The following VCAN variants were observed in gnomAD, a reference collection of about 807,000 sequenced individuals.
VCAN encodes the protein versican core protein.
A neutral mutation model predicts 245.5 loss-of-function variants in VCAN; 44 were observed. That is an observed-to-expected ratio of 0.18 (90% CI 0.14 to 0.23). The LOEUF (loss-of-function observed/expected upper bound fraction) is 0.23, where lower values mean the gene tolerates loss of function less well. Among genes scored for constraint, VCAN ranks in the 10% least tolerant of loss-of-function variants. The pLI, the probability that VCAN is intolerant of heterozygous loss-of-function variation, is 1.00. For missense variants in VCAN, 3,793 were observed against 4,057.9 expected (o/e 0.93, Z 1.77); for synonymous variants, 1,413 against 1,437.0 (o/e 0.98, Z 0.38).
rs770256912 is a variant in VCAN at position 83,581,927 on chromosome 5, C to T, written c.*1493C>T. On this transcript the variant is annotated 3_prime_UTR_variant, in exon 15 of 15. Coordinates refer to ENST00000265077, the MANE Select transcript of VCAN (RefSeq NM_004385.5). Reference sequence around the variant, plus strand: ...AAGAGTAGACAAAAAATAAAATGCACATAGAAAAAGAGAAAAAGGGCACAA... The same window carrying T: ...AAGAGTAGACAAAAAATAAAATGCATATAGAAAAAGAGAAAAAGGGCACAA... The T allele has an allele frequency of 2.0e-5, 3 of 151,858 alleles. No individual in the cohort carries two copies. The highest frequency in any genetic ancestry group is 4.4e-5 in the Non-Finnish European group (3 of 67,976). 9.4% of individuals were successfully genotyped at this position (151,858 alleles called of 1,614,324 possible).
intron 7 of VCAN, among the ~76,000 whole-genome samples, chr5:83,523,406 AT>A (rs5869183): frequency 0.63 from 89,388 of 142,240 alleles, 29,581 homozygotes; most frequent in East Asian, 0.88. Flanking sequence ...AGGATAGAAG[AT>A]TTTTTTTTTT....
chr5:83,494,073 G>A, intron 5 of VCAN, 142 bp downstream of exon 5: 1 of 1,414,018 alleles, frequency 7.1e-7, no homozygotes, highest in Non-Finnish European at 9.8e-7. Flanking sequence ...ATGATTTTGT[G>A]GTAAAATAAG....
intron 7 of VCAN, among the ~76,000 whole-genome samples, chr5:83,526,026 G>A (rs1330835229): frequency 6.6e-6 from 1 of 151,520 alleles, no homozygotes; most frequent in East Asian, 2.0e-4. Flanking sequence ...TGCAATCTCT[G>A]CCTCCTGGGT....
intron 1 of VCAN, among the ~76,000 whole-genome samples, chr5:83,482,431 G>T (rs977483473): frequency 6.6e-6 from 1 of 152,136 alleles, no homozygotes; most frequent in Non-Finnish European, 1.5e-5. Flanking sequence ...ATTGACTTAG[G>T]ATATCAAGAT....
At chr5:83,564,518 T>C (rs904393788) in intron 12 of VCAN, among the ~76,000 whole-genome samples, 1 of 152,212 alleles carries the variant, frequency 6.6e-6, no homozygotes, top group African/African-American at 2.4e-5. Context: ...AGCTAACACA[T>C]GTAGTCAAAT....
rs1331911897 is a variant in VCAN at position 83,538,022 on chromosome 5, T to C, written c.5019T>C (p.Thr1673=). ...CTGATACACTCATTACTTTAGACAC[T>C]AGCAGGATAATCACAGAAAGCTTTT... ...NTTDTLITLD[T]SRIITESFFE... The change falls in exon 8 of 15, where the codon ACT becomes ACC. Residue 1673 remains threonine, a synonymous_variant. Transcript: ENST00000265077. The C allele has an allele frequency of 6.2e-7, 1 of 1,613,936 alleles. No homozygotes were observed. Among genetic ancestry groups the C allele is most frequent in the Non-Finnish European group, 8.5e-7 (1 of 1,179,968 alleles).
rs752532806 is a variant in VCAN, at chr5:83,537,170, TGAAGAA to T, written c.4179_4184del (p.Glu1394_Glu1395del). The T allele has an allele frequency of 2.5e-5, 40 of 1,613,204 alleles. 1 individual carries two copies. The East Asian group carries it at 8.0e-4, about 32-fold the overall frequency. ...TAGACCTATACCACAGTGAAGAAAATGAAGAAGAAGAAGAAGAGTGTGCAAATGCTA... is the reference window on the plus strand; with the variant it reads ...TAGACCTATACCACAGTGAAGAAAATGAAGAAGAAGAGTGTGCAAATGCTA... On this transcript the variant is annotated inframe_deletion, in exon 8 of 15. Transcript: ENST00000265077.
In VCAN at chr5:83,542,126, T is replaced by C. The variant is rs776778038; in HGVS notation, c.9123T>C (p.Asn3041=). 1.2e-6 allele frequency: 2 copies of C among 1,614,104 alleles called. No homozygotes were observed. The highest frequency in any genetic ancestry group is 1.7e-6 in the Non-Finnish European group (2 of 1,179,968). ...TGGCAGCGAGAATTCTTGATTCCAA[T>C]GATCAGGCAACAGTAAACCCTGTGG... is the stretch of plus-strand genomic sequence containing the variant. ...QQVAARILDS[N]DQATVNPVEF... Residue 3041 remains asparagine (N), a synonymous_variant, in exon 8 of 15, where the codon AAT becomes AAC. Transcript: ENST00000265077.
At chr5:83,483,647 A>G in intron 2 of VCAN, 59 bp downstream of exon 2, 3 of 1,453,942 alleles carry the variant, frequency 2.1e-6, no homozygotes, top group Non-Finnish European at 2.9e-6. Flanking sequence ...GTGCTGGAGG[A>G]TGAAATGGCA....
chr5:83,552,789 A>C (rs1343040700), intron 10 of VCAN, among the ~76,000 whole-genome samples: 3 of 152,064 alleles, frequency 2.0e-5, no homozygotes, highest in Non-Finnish European at 4.4e-5. Context: ...TCTTTTTAGG[A>C]AGAAGGCATA....
chr5:83,572,334 T>G, intron 12 of VCAN, 82 bp from the exon 13 acceptor site: 3 of 1,523,966 alleles, frequency 2.0e-6, no homozygotes, highest in Non-Finnish European at 1.8e-6. Context: ...TCTATTCCAA[T>G]TAGATTGTGA....
Position 83,538,431 on chromosome 5 carries a change from A to G in VCAN, c.5428A>G (p.Ser1810Gly). 6.2e-7 allele frequency: 1 copy of G among 1,614,076 alleles called. No individual in the cohort carries two copies. Among genetic ancestry groups the G allele is most frequent in the Non-Finnish European group, 8.5e-7 (1 of 1,179,972 alleles). The change falls in exon 8 of 15, where the codon AGC becomes GGC. Residue 1810 changes from serine to glycine, a missense_variant. Physicochemically the swap from Ser to Gly is moderately conservative, Grantham distance 56. Coordinates refer to ENST00000265077, the MANE Select transcript of VCAN (RefSeq NM_004385.5). Reference protein sequence around the residue: ...ENLGAQTTEHSSIHQPGVQEG... With the variant: ...ENLGAQTTEHGSIHQPGVQEG... ...TTTGGGGGCACAGACCACTGAGCAC[A>G]GCAGTATCCATCAACCTGGGGTTCA...
At chr5:83,570,663 T>C (rs559517650) in intron 12 of VCAN, among the ~76,000 whole-genome samples, 2 of 152,168 alleles carry the variant, frequency 1.3e-5, no homozygotes, top group South Asian at 2.1e-4. Context: ...GTATTAGAGA[T>C]ATAAAACACA....
Position 83,580,019 on chromosome 5 carries a change from C to T in VCAN, c.9920C>T (p.Thr3307Ile), listed in dbSNP as rs771057236. Residue 3307 changes from threonine (T) to isoleucine (I), a missense_variant, in exon 14 of 15, where the codon ACC becomes ATC. Coordinates refer to ENST00000265077, the MANE Select transcript of VCAN (RefSeq NM_004385.5). The stretch of plus-strand genomic sequence containing the variant: ...CCCCCTGTTGTAGAAAATGCCAAGA[C>T]CTTTGGAAAGATGAAACCTCGTTAT... The part of the protein sequence containing the change: ...GQPPVVENAK[T>I]FGKMKPRYEI... 1.9e-6 allele frequency: 3 copies of T among 1,614,062 alleles called. No individual in the cohort carries two copies. The highest frequency in any genetic ancestry group is 3.3e-5 in the Admixed American group (2 of 60,002).
At chr5:83,551,234 G>T (rs964905465) in intron 10 of VCAN, among the ~76,000 whole-genome samples, 6 of 151,990 alleles carry the variant, frequency 3.9e-5, no homozygotes, top group African/African-American at 1.4e-4. Context: ...AAAGGGGCTG[G>T]GTGCGATAGC....
chr5:83,539,453 C>T lies in VCAN; in HGVS notation c.6450C>T (p.Leu2150=). 1 of 1,613,340 alleles carries T rather than the reference C, an allele frequency of 6.2e-7. No homozygotes were observed. Among genetic ancestry groups the T allele is most frequent in the Non-Finnish European group, 8.5e-7 (1 of 1,179,748 alleles). ...FDSQTFTETE[L]KTTDYSVLTT... ...CACAGACATTTACTGAAACTGAACTCAAAACCACAGATTATTCTGTACTAA... is the reference window on the plus strand; with the variant it reads ...CACAGACATTTACTGAAACTGAACTTAAAACCACAGATTATTCTGTACTAA... The change falls in exon 8 of 15, where the codon CTC becomes CTT. Residue 2150 remains leucine (L), a synonymous_variant. Transcript: ENST00000265077.
rs2112408007 is a variant in VCAN, at chr5:83,520,021, T to C, written c.1715T>C (p.Ile572Thr). The C allele has an allele frequency of 1.2e-6, 2 of 1,614,142 alleles. No individual in the cohort carries two copies. The highest frequency in any genetic ancestry group is 1.1e-5 in the South Asian group (1 of 91,086). Residue 572 changes from isoleucine to threonine, a missense_variant, in exon 7 of 15, where the codon ATC (isoleucine) becomes ACC (threonine). Ile to Thr is a moderately conservative substitution (Grantham distance 89, BLOSUM62 -1). Around this residue, in one of 5 missense-constraint regions of VCAN, gnomAD observed 3,182 missense variants for 3,250.3 expected, o/e 0.98. Coordinates refer to ENST00000265077, the MANE Select transcript of VCAN (RefSeq NM_004385.5). ...GTTGGATCTGATGAGAGCACCTTGA[T>C]CTTTGACCAAATTCCTGAAGTCATT... The part of the protein sequence containing the change: ...LTVGSDESTL[I>T]FDQIPEVITV...
rs66852703 is a variant in VCAN at position 83,564,681 on chromosome 5, G to T, written c.9736-7735G>T. 2.4e-3 allele frequency among the ~76,000 whole-genome samples: 250 copies of T among 103,000 alleles called. 1 individual carries two copies. The highest frequency in any genetic ancestry group is 8.9e-3 in the South Asian group (14 of 1,568). 67.6% of individuals were successfully genotyped at this position (103,000 alleles called of 152,430 possible). On this transcript the variant is annotated intron_variant, in intron 12 of 14. Coordinates refer to ENST00000265077, the MANE Select transcript of VCAN (RefSeq NM_004385.5). Reference sequence around the variant, plus strand: ...AGGGCTTTTGCAGGGTTTTTTAGATGTTTTTTTTTTTTTCACTGTGAACTA... The same window carrying T: ...AGGGCTTTTGCAGGGTTTTTTAGATTTTTTTTTTTTTTTCACTGTGAACTA...
At chr5:83,522,654 G>T (rs1051838236) in intron 7 of VCAN, among the ~76,000 whole-genome samples, 1 of 152,182 alleles carries the variant, frequency 6.6e-6, no homozygotes, top group East Asian at 1.9e-4. Context: ...GCACTAGACT[G>T]TGTTAACATT....
Sources: allele counts gnomAD v4.1 joint callset (sites outside exome capture counted in the v4.1 genomes callset), GRCh38; gene constraint gnomAD v4.1.1; regional missense constraint gnomAD v4.1.1; transcripts MANE v1.5; gene names NCBI Gene and HGNC (gene_info 2026-07-23, HGNC 2026-07-21).